The following PCDH11X variants were observed in gnomAD, a reference collection of about 807,000 sequenced individuals.
PCDH11X encodes protocadherin-11 X-linked.
A neutral mutation model predicts 53.3 loss-of-function variants in PCDH11X; 18 were observed. The ratio of observed to expected loss-of-function variants is 0.34; its 90% CI spans 0.23 to 0.50. PCDH11X has a LOEUF of 0.50. PCDH11X is among the 20% of genes least tolerant of loss of function. PCDH11X has a pLI of 0.98. For missense variants in PCDH11X, 570 were observed against 1,032.4 expected (o/e 0.55, Z 6.14); for synonymous variants, 279 against 393.3 (o/e 0.71, Z 3.44).
chrX:91,806,811 C>T (rs985352383), intron 1 of PCDH11X, among the ~76,000 whole-genome samples: 5 of 111,577 alleles, frequency 4.5e-5, no homozygotes, highest in African/African-American at 9.8e-5. Flanking sequence ...ACTGTATCTA[C>T]GCCATCACAT....
chrX:92,276,710 G>A (rs140465210), intron 8 of PCDH11X, among the ~76,000 whole-genome samples: 375 of 111,604 alleles, frequency 3.4e-3, no homozygotes, highest in Non-Finnish European at 5.8e-3. Flanking sequence ...GGGGTTTGAC[G>A]GCCAGATTCT....
chrX:91,817,767 G>C lies in PCDH11X; in HGVS notation c.-45+6472G>C, dbSNP rs999407146. On this transcript the variant is annotated intron_variant, in intron 4 of 10. Coordinates refer to ENST00000682573, the MANE Select transcript of PCDH11X (RefSeq NM_032968.5). ...AAATATAACTATTGTATGGAAAAGA[G>C]AGTTCTTTTTTCAAGGCATAATCAA... 5.4e-5 allele frequency among the ~76,000 whole-genome samples: 6 copies of C among 111,240 alleles called. No individual in the cohort carries two copies. In the East Asian group the frequency reaches 1.7e-3, roughly 31 times the overall value.
At chrX:92,351,305 T>C (rs941312682) in intron 8 of PCDH11X, among the ~76,000 whole-genome samples, 4 of 111,894 alleles carry the variant, frequency 3.6e-5, no homozygotes, top group Admixed American at 1.9e-4. Flanking sequence ...GCTTTCAGAA[T>C]AAGTCATCCA....
At chrX:91,870,672 A>G (rs1939239511) in intron 5 of PCDH11X, among the ~76,000 whole-genome samples, 1 of 111,309 alleles carries the variant, frequency 9.0e-6, no homozygotes, top group Non-Finnish European at 1.9e-5. Flanking sequence ...ATGTGGCTTT[A>G]TCAAAATTAA....
At chrX:91,875,411 C>T (rs1177100520) in intron 5 of PCDH11X, among the ~76,000 whole-genome samples, 5 of 106,429 alleles carry the variant, frequency 4.7e-5, no homozygotes, top group African/African-American at 6.9e-5. Context: ...GCCTCCTGAG[C>T]AGCTGGGACC....
At chrX:92,008,324 C>T (rs1387898125) in intron 6 of PCDH11X, among the ~76,000 whole-genome samples, 2 of 110,861 alleles carry the variant, frequency 1.8e-5, no homozygotes, top group Non-Finnish European at 3.8e-5. Flanking sequence ...CAGGTATGGA[C>T]CTCTGGTTTC....
At chrX:92,270,990 A>T (rs193062518) in intron 8 of PCDH11X, among the ~76,000 whole-genome samples, 2 of 111,704 alleles carry the variant, frequency 1.8e-5, no homozygotes, top group East Asian at 5.6e-4. Flanking sequence ...CTTAAACTTC[A>T]GGCTTAACTA....
intron 8 of PCDH11X, among the ~76,000 whole-genome samples, chrX:92,347,759 T>A (rs2069936943): frequency 8.9e-6 from 1 of 111,899 alleles, no homozygotes; most frequent in African/African-American, 3.2e-5. Context: ...TTAAAAACCC[T>A]TTATTGTTCT....
intron 10 of PCDH11X, among the ~76,000 whole-genome samples, chrX:92,519,588 A>G (rs796141238): frequency 2.7e-5 from 3 of 110,759 alleles, no homozygotes; most frequent in South Asian, 3.9e-4. Flanking sequence ...GGATTAGAAA[A>G]CAGAAATATC....
intron 6 of PCDH11X, among the ~76,000 whole-genome samples, chrX:92,063,962 T>C (rs1162246131): frequency 9.3e-6 from 1 of 107,599 alleles, no homozygotes; most frequent in Non-Finnish European, 1.9e-5. Flanking sequence ...GCCACAACAC[T>C]CTGATGGGTT....
chrX:92,276,939 T>C (rs1460701507), intron 8 of PCDH11X, among the ~76,000 whole-genome samples: 1 of 111,368 alleles, frequency 9.0e-6, no homozygotes, highest in African/African-American at 3.3e-5. Flanking sequence ...ACCTTGACTA[T>C]GCCTTTGGCT....
intron 10 of PCDH11X, among the ~76,000 whole-genome samples, chrX:92,591,084 T>C: frequency 8.9e-6 from 1 of 111,968 alleles, no homozygotes. Flanking sequence ...ACAGCTGGGA[T>C]GGAAAATGTT....
intron 8 of PCDH11X, among the ~76,000 whole-genome samples, chrX:92,331,527 T>G (rs1349577779): frequency 9.3e-6 from 1 of 107,730 alleles, no homozygotes; most frequent in Non-Finnish European, 1.9e-5. Context: ...ATCAAAAAAC[T>G]TTTGGTTTCG....
chrX:92,281,752 C>T (rs1354638144), intron 8 of PCDH11X, among the ~76,000 whole-genome samples: 6 of 111,483 alleles, frequency 5.4e-5, no homozygotes, highest in Non-Finnish European at 1.1e-4. Flanking sequence ...TTCAACTCAT[C>T]TAGATTCTGT....
chrX:91,887,561 G>A (rs1377274777), intron 6 of PCDH11X, among the ~76,000 whole-genome samples: 2 of 111,816 alleles, frequency 1.8e-5, no homozygotes, highest in Non-Finnish European at 3.8e-5. Context: ...CACATTTGTT[G>A]TAGAAAAATC....
intron 10 of PCDH11X, among the ~76,000 whole-genome samples, chrX:92,557,008 C>T (rs1398686435): frequency 9.0e-6 from 1 of 110,857 alleles, no homozygotes; most frequent in African/African-American, 3.3e-5. Flanking sequence ...ACTTCCTTAG[C>T]TGTATGTTGA....
intron 6 of PCDH11X, among the ~76,000 whole-genome samples, chrX:92,006,869 T>C (rs753684430): frequency 8.9e-6 from 1 of 111,767 alleles, no homozygotes; most frequent in African/African-American, 3.2e-5. Context: ...TGGTGCTGCC[T>C]TTATGGTATT....
At chrX:92,293,395 C>T (rs938585718) in intron 8 of PCDH11X, among the ~76,000 whole-genome samples, 19 of 109,975 alleles carry the variant, frequency 1.7e-4, no homozygotes, top group East Asian at 8.7e-4. Context: ...GAGGCCAAGG[C>T]GGGCAGATCA....
At chrX:91,887,567 A>T (rs764927363) in intron 6 of PCDH11X, among the ~76,000 whole-genome samples, 1 of 112,082 alleles carries the variant, frequency 8.9e-6, no homozygotes, top group African/African-American at 3.2e-5. Flanking sequence ...TGTTGTAGAA[A>T]AATCTAGAAA....
Sources: allele counts gnomAD v4.1 joint callset (sites outside exome capture counted in the v4.1 genomes callset), GRCh38; gene constraint gnomAD v4.1.1; transcripts MANE v1.5; gene names NCBI Gene and HGNC (gene_info 2026-07-23, HGNC 2026-07-21).